Variants in KCNIP4 observed in about 807,000 individuals in gnomAD.
KCNIP4 encodes the protein potassium voltage-gated channel interacting protein 4, also known as Kv channel-interacting protein 4.
KCNIP4 carries 12 observed loss-of-function variants against 34.0 expected under a neutral mutation model. The ratio of observed to expected loss-of-function variants is 0.35; its 90% CI spans 0.23 to 0.57. The LOEUF is 0.57. Ranked by LOEUF, KCNIP4 falls within the 20% of genes least tolerant of loss-of-function variation. The probability of loss-of-function intolerance (pLI) is 0.83; values close to 1 mark genes in which losing one functional copy is unlikely to be tolerated. For synonymous variants in KCNIP4, 124 were observed against 102.2 expected (o/e 1.21, Z -1.29); for missense variants, 238 against 311.7 (o/e 0.76, Z 1.78).
chr4:20,931,670 ACAT>A (rs1436388511), intron 1 of KCNIP4, among the ~76,000 whole-genome samples: 2 of 152,158 alleles, frequency 1.3e-5, no homozygotes, highest in Admixed American at 1.3e-4. Flanking sequence ...ATTGATTGAA[ACAT>A]CATTATGGGG....
intron 1 of KCNIP4, among the ~76,000 whole-genome samples, chr4:21,505,367 T>C (rs566424231): frequency 2.6e-5 from 4 of 152,246 alleles, no homozygotes; most frequent in South Asian, 4.1e-4. Context: ...CTGGCAAATT[T>C]CTATGAAAGA....
intron 1 of KCNIP4, among the ~76,000 whole-genome samples, chr4:21,119,364 G>T (rs1749948794): frequency 6.6e-6 from 1 of 150,738 alleles, no homozygotes; most frequent in Admixed American, 6.6e-5. Flanking sequence ...CCCTTTGCTG[G>T]TTGTCAGCTC....
intron 1 of KCNIP4, among the ~76,000 whole-genome samples, chr4:21,825,384 T>G (rs1722615468): frequency 6.6e-6 from 1 of 152,192 alleles, no homozygotes; most frequent in Non-Finnish European, 1.5e-5. Context: ...TGGTAACTGC[T>G]TCCTCACACA....
At chr4:21,904,359 A>T (rs954781312) in intron 1 of KCNIP4, among the ~76,000 whole-genome samples, 2 of 152,128 alleles carry the variant, frequency 1.3e-5, no homozygotes, top group African/African-American at 4.8e-5. Flanking sequence ...TCAGCTTTCT[A>T]CTCTAGAAAA....
At chr4:20,767,148 T>C (rs1755486200) in intron 3 of KCNIP4, 1 of 152,204 alleles carries the variant, frequency 6.6e-6, no homozygotes, top group Non-Finnish European at 1.5e-5. Flanking sequence ...AGACCAAGGA[T>C]AAATCATATT....
At chr4:21,056,840 G>C (rs1182036539) in intron 1 of KCNIP4, among the ~76,000 whole-genome samples, 1 of 152,138 alleles carries the variant, frequency 6.6e-6, no homozygotes, top group Non-Finnish European at 1.5e-5. Flanking sequence ...GCCTTTGGGA[G>C]ATAATTAGAT....
At chr4:21,388,079 A>C (rs1722196947) in intron 1 of KCNIP4, among the ~76,000 whole-genome samples, 1 of 53,206 alleles carries the variant, frequency 1.9e-5, no homozygotes, top group African/African-American at 5.3e-5. Flanking sequence ...TGAGCCTGAG[A>C]ATAGGCTCCT....
intron 1 of KCNIP4, among the ~76,000 whole-genome samples, chr4:21,654,709 G>A (rs1273133895): frequency 1.3e-5 from 2 of 152,082 alleles, no homozygotes; most frequent in Admixed American, 6.5e-5. Context: ...AGATCACGAG[G>A]TCAGGAGATC....
At chr4:21,394,163 A>G (rs1262521213) in intron 1 of KCNIP4, among the ~76,000 whole-genome samples, 1 of 152,248 alleles carries the variant, frequency 6.6e-6, no homozygotes, top group Non-Finnish European at 1.5e-5. Context: ...ATAACACTGC[A>G]TGGTTCCATA....
intron 1 of KCNIP4, among the ~76,000 whole-genome samples, chr4:21,103,431 T>G (rs1203163039): frequency 6.8e-6 from 1 of 148,068 alleles, no homozygotes; most frequent in Non-Finnish European, 1.5e-5. Flanking sequence ...GACTTTATCA[T>G]TAGTTGATGG....
At chr4:20,736,305 C>T (rs930012728) in intron 5 of KCNIP4, among the ~76,000 whole-genome samples, 2 of 152,078 alleles carry the variant, frequency 1.3e-5, no homozygotes, top group Admixed American at 1.3e-4. Flanking sequence ...GTAAATACAT[C>T]GTAGTTTATT....
intron 1 of KCNIP4, among the ~76,000 whole-genome samples, chr4:21,103,328 A>G (rs1040162596): frequency 1.4e-5 from 2 of 146,306 alleles, no homozygotes; most frequent in Non-Finnish European, 3.0e-5. Context: ...AATATAAAAT[A>G]TATATAATAT....
intron 1 of KCNIP4, among the ~76,000 whole-genome samples, chr4:21,665,172 G>C (rs1238210611): frequency 6.6e-6 from 1 of 152,020 alleles, no homozygotes; most frequent in African/African-American, 2.4e-5. Flanking sequence ...TTTATCGTTG[G>C]TCCTCTGATT....
intron 1 of KCNIP4, among the ~76,000 whole-genome samples, chr4:21,204,016 G>A (rs1162767207): frequency 6.6e-6 from 1 of 152,138 alleles, no homozygotes; most frequent in African/African-American, 2.4e-5. Context: ...CTTGCATTAT[G>A]CTCATCGCTG....
intron 1 of KCNIP4, among the ~76,000 whole-genome samples, chr4:21,471,492 T>C (rs1003563793): frequency 1.3e-5 from 2 of 152,168 alleles, no homozygotes; most frequent in African/African-American, 2.4e-5. Flanking sequence ...GTTCTAGAAA[T>C]TGAGTATTTT....
At position 20,729,968 on chromosome 4, in the gene KCNIP4, C is replaced by CATAA. The variant is rs1461963355; in HGVS notation, c.*110_*113dup. 1.6e-6 allele frequency: 2 copies of CATAA among 1,235,568 alleles called. No homozygotes were observed. Among genetic ancestry groups the CATAA allele is most frequent in the Non-Finnish European group, 2.2e-6 (2 of 913,920 alleles). 76.5% of individuals were successfully genotyped at this position (1,235,568 alleles called of 1,614,324 possible). Reference sequence around the variant, plus strand: ...TTTATATTAAAACAAAGCTTGTTTGCATAATATGCTTCAGTGTCAAGCTGA... The same window carrying CATAA: ...TTTATATTAAAACAAAGCTTGTTTGCATAAATAATATGCTTCAGTGTCAAGCTGA... On this transcript the variant is annotated 3_prime_UTR_variant, in exon 9 of 9. Coordinates refer to ENST00000382152, the MANE Select transcript of KCNIP4 (RefSeq NM_025221.6).
intron 1 of KCNIP4, among the ~76,000 whole-genome samples, chr4:21,492,067 A>G (rs1454539328): frequency 6.6e-6 from 1 of 152,226 alleles, no homozygotes; most frequent in Non-Finnish European, 1.5e-5. Flanking sequence ...AAACGTGAGT[A>G]TCTGAGAGAA....
intron 1 of KCNIP4, among the ~76,000 whole-genome samples, chr4:21,468,461 G>T (rs1730176400): frequency 6.6e-6 from 1 of 152,148 alleles, no homozygotes; most frequent in Non-Finnish European, 1.5e-5. Context: ...GAGGTAAGTT[G>T]TGCTTTCATC....
intron 1 of KCNIP4, among the ~76,000 whole-genome samples, chr4:21,271,313 A>C (rs1328419501): frequency 6.6e-6 from 1 of 152,184 alleles, no homozygotes; most frequent in Non-Finnish European, 1.5e-5. Context: ...TGTGGAATGG[A>C]GACAATCAGG....
Sources: gnomAD v4.1 joint callset for allele counts (sites outside exome capture counted in the v4.1 genomes callset) on GRCh38, gnomAD v4.1.1 for gene constraint, MANE v1.5 for transcripts, NCBI Gene and HGNC (gene_info 2026-07-23, HGNC 2026-07-21) for gene names.